Variants in ENTREP2 observed in about 807,000 individuals in gnomAD.
ENTREP2 encodes the protein endosomal transmembrane epsin interactor 2, also known as protein ENTREP2.
At chr15:29,444,432 G>A in the ENTREP2 span, among the ~76,000 whole-genome samples, 1 of 151,618 alleles carries the variant, frequency 6.6e-6, no homozygotes, top group African/African-American at 2.4e-5. Flanking sequence ...CTTTGGCATA[G>A]TGAGTCTGGG....
At chr15:29,314,891 A>G in the ENTREP2 span, among the ~76,000 whole-genome samples, 3 of 152,144 alleles carry the variant, frequency 2.0e-5, no homozygotes, top group African/African-American at 7.2e-5. Context: ...GCCTCTACCA[A>G]AAATACAAAA....
the ENTREP2 span, among the ~76,000 whole-genome samples, chr15:29,646,767 C>A: frequency 6.6e-6 from 1 of 152,138 alleles, no homozygotes; most frequent in African/African-American, 2.4e-5. Context: ...CATGGAGGCA[C>A]TTTTAGGACA....
chr15:29,344,146 A>G, the ENTREP2 span, among the ~76,000 whole-genome samples: 1 of 152,184 alleles, frequency 6.6e-6, no homozygotes, highest in Admixed American at 6.5e-5. Flanking sequence ...GCAATCTGCA[A>G]AGAGGCCAGG....
At chr15:29,316,232 T>C in the ENTREP2 span, among the ~76,000 whole-genome samples, 1 of 151,974 alleles carries the variant, frequency 6.6e-6, no homozygotes, top group South Asian at 2.1e-4. Context: ...TTAAACTGAC[T>C]GTAACATATC....
chr15:29,367,218 C>A, the ENTREP2 span, among the ~76,000 whole-genome samples: 1 of 152,110 alleles, frequency 6.6e-6, no homozygotes, highest in Non-Finnish European at 1.5e-5. Flanking sequence ...CTCTACAGTA[C>A]CCTTGAAAAA....
the ENTREP2 span, among the ~76,000 whole-genome samples, chr15:29,145,622 C>CAAAAA: frequency 8.3e-3 from 472 of 56,910 alleles, 21 homozygotes; most frequent in African/African-American, 0.019. Context: ...GACTCCATCT[C>CAAAAA]AAAAAAAAAA....
At chr15:29,584,833 A>C in the ENTREP2 span, among the ~76,000 whole-genome samples, 1 of 152,204 alleles carries the variant, frequency 6.6e-6, no homozygotes, top group South Asian at 2.1e-4. Context: ...AAAGAATGGT[A>C]ATTATGTGAG....
the ENTREP2 span, among the ~76,000 whole-genome samples, chr15:29,520,583 A>T: frequency 3.5e-5 from 5 of 140,878 alleles, no homozygotes; most frequent in African/African-American, 1.1e-4. Context: ...TGTTTCCTAT[A>T]AAAAAAAAAA....
the ENTREP2 span, among the ~76,000 whole-genome samples, chr15:29,481,361 T>C: frequency 1.3e-5 from 2 of 152,160 alleles, no homozygotes; most frequent in East Asian, 1.9e-4. Flanking sequence ...AGACTCCTAA[T>C]GGATGGGCCA....
At chr15:29,158,771 T>G in the ENTREP2 span, among the ~76,000 whole-genome samples, 1 of 152,150 alleles carries the variant, frequency 6.6e-6, no homozygotes, top group African/African-American at 2.4e-5. Flanking sequence ...TGCTACTGGA[T>G]ATTCTGATGT....
chr15:29,383,745 C>T, the ENTREP2 span, among the ~76,000 whole-genome samples: 1 of 152,194 alleles, frequency 6.6e-6, no homozygotes, highest in African/African-American at 2.4e-5. Context: ...CTGCACCATG[C>T]TAGTCTAGTA....
the ENTREP2 span, among the ~76,000 whole-genome samples, chr15:29,294,924 G>T: frequency 6.0e-3 from 920 of 152,268 alleles, 14 homozygotes; most frequent in Middle Eastern, 0.02. Flanking sequence ...CTTCTTCATT[G>T]CAGGCTCCAA....
chr15:29,423,734 G>A, the ENTREP2 span, among the ~76,000 whole-genome samples: 3 of 152,122 alleles, frequency 2.0e-5, no homozygotes, highest in African/African-American at 4.8e-5. Context: ...GGAGGCGGAG[G>A]CTGCAGTAAG....
the ENTREP2 span, among the ~76,000 whole-genome samples, chr15:29,596,470 G>A: frequency 6.6e-6 from 1 of 152,062 alleles, no homozygotes; most frequent in South Asian, 2.1e-4. Context: ...TATCCCTAGG[G>A]GGCACAACTT....
At chr15:29,155,461 C>A in the ENTREP2 span, among the ~76,000 whole-genome samples, 3 of 152,124 alleles carry the variant, frequency 2.0e-5, no homozygotes, top group African/African-American at 4.8e-5. Context: ...TCAGGCAGTT[C>A]TTTTCCCAGA....
the ENTREP2 span, among the ~76,000 whole-genome samples, chr15:29,512,912 G>C: frequency 6.6e-6 from 1 of 152,162 alleles, no homozygotes; most frequent in African/African-American, 2.4e-5. Context: ...CTATAGTTTG[G>C]TTCTGTTGAA....
At chr15:29,274,950 G>C in the ENTREP2 span, among the ~76,000 whole-genome samples, 3 of 152,184 alleles carry the variant, frequency 2.0e-5, no homozygotes, top group African/African-American at 7.2e-5. Context: ...TTATTTTAAC[G>C]AAGTTGTTTG....
At chr15:29,363,421 A>G in the ENTREP2 span, among the ~76,000 whole-genome samples, 2 of 152,368 alleles carry the variant, frequency 1.3e-5, no homozygotes, top group East Asian at 1.9e-4. Flanking sequence ...TGGCAAACAG[A>G]TGACTTTGTA....
chr15:29,150,681 C>A, the ENTREP2 span, among the ~76,000 whole-genome samples: 1 of 152,112 alleles, frequency 6.6e-6, no homozygotes, highest in Admixed American at 6.5e-5. Context: ...GAGAGACTCC[C>A]ATGGCATGCA....
Sources: gnomAD v4.1 joint callset for allele counts (sites outside exome capture counted in the v4.1 genomes callset) on GRCh38, gnomAD v4.1.1 for gene constraint, MANE v1.5 for transcripts, NCBI Gene and HGNC (gene_info 2026-07-23, HGNC 2026-07-21) for gene names.